ETV6: variants seen among roughly 807,000 people sequenced by gnomAD.
ETV6 encodes the protein ETS variant transcription factor 6.
A neutral mutation model predicts 51.1 loss-of-function variants in ETV6; 16 were observed. The ratio of observed to expected loss-of-function variants is 0.31; its 90% CI spans 0.21 to 0.48. The LOEUF is 0.48. Among genes scored for constraint, ETV6 ranks in the 20% least tolerant of loss-of-function variants. ETV6 has a pLI of 0.99. For synonymous variants in ETV6, 240 were observed against 224.1 expected (o/e 1.07, Z -0.64); for missense variants, 458 against 594.8 (o/e 0.77, Z 2.39).
chr12:11,703,075 C>G (rs1865012946), intron 1 of ETV6, among the ~76,000 whole-genome samples: 1 of 152,156 alleles, frequency 6.6e-6, no homozygotes, highest in Non-Finnish European at 1.5e-5. Flanking sequence ...CCACTGCACC[C>G]CAGCCTGGGT....
chr12:11,740,031 A>T (rs1333304840), intron 1 of ETV6, among the ~76,000 whole-genome samples: 1 of 152,220 alleles, frequency 6.6e-6, no homozygotes, highest in Non-Finnish European at 1.5e-5. Context: ...TTGAGAGGAC[A>T]GCTTTACCTC....
At chr12:11,848,885 A>G (rs1291100648) in intron 3 of ETV6, among the ~76,000 whole-genome samples, 1 of 152,218 alleles carries the variant, frequency 6.6e-6, no homozygotes, top group Non-Finnish European at 1.5e-5. Flanking sequence ...TGAATAGTAC[A>G]ATAGAAATAC....
chr12:11,868,390 A>T (rs1946822490), intron 4 of ETV6, among the ~76,000 whole-genome samples: 1 of 150,514 alleles, frequency 6.6e-6, no homozygotes, highest in South Asian at 2.1e-4. Context: ...TCTCTTGGTT[A>T]GGAGTGTCAT....
intron 3 of ETV6, among the ~76,000 whole-genome samples, chr12:11,842,710 T>G (rs926115294): frequency 6.6e-6 from 1 of 152,190 alleles, no homozygotes; most frequent in Non-Finnish European, 1.5e-5. Context: ...GCTCTCTTTT[T>G]GCAACAGACA....
At chr12:11,852,543 G>C (rs1319106233) in intron 3 of ETV6, among the ~76,000 whole-genome samples, 1 of 152,174 alleles carries the variant, frequency 6.6e-6, no homozygotes, top group African/African-American at 2.4e-5. Flanking sequence ...TTTCTGTGAA[G>C]AATCTATGAG....
chr12:11,840,617 A>G, intron 3 of ETV6: 1 of 417,720 alleles, frequency 2.4e-6, no homozygotes, highest in South Asian at 1.7e-5. Flanking sequence ...AGGAGATGAG[A>G]TAAAGCCCCA....
intron 2 of ETV6, among the ~76,000 whole-genome samples, chr12:11,787,422 T>A (rs1945504548): frequency 6.6e-6 from 1 of 152,238 alleles, no homozygotes; most frequent in Admixed American, 6.5e-5. Flanking sequence ...TAAATGATAT[T>A]TTCAATACAT....
In ETV6 at chr12:11,894,967, C is replaced by T. The variant is rs761939888; in HGVS notation, c.*3921C>T. ...CTGTTCACTCTCTCCTGCTCCTCTT[C>T]GGAGTAGAAATAAAGGCTGTGACAC... On this transcript the variant is annotated 3_prime_UTR_variant, in exon 8 of 8. Coordinates refer to ENST00000396373, the MANE Select transcript of ETV6 (RefSeq NM_001987.5). 28 of 233,632 alleles carry T rather than the reference C, an allele frequency of 1.2e-4. No individual in the cohort carries two copies. Among genetic ancestry groups the T allele is most frequent in the Admixed American group, 3.4e-4 (6 of 17,794 alleles). The allele number at this position is 233,632 out of a possible 1,614,324, so 14.5% of individuals were successfully genotyped here.
At position 11,894,248 on chromosome 12, in the gene ETV6, G is replaced by C. The variant is rs1052377771; in HGVS notation, c.*3202G>C. 8.6e-6 allele frequency: 2 copies of C among 232,538 alleles called. No homozygotes were observed. The highest frequency in any genetic ancestry group is 2.2e-5 in the African/African-American group (1 of 45,326). The allele number at this position is 232,538 out of a possible 1,614,324, so 14.4% of individuals were successfully genotyped here. A position where few individuals can be genotyped will look rare whatever the true frequency, so the allele number is the denominator to read the frequency against. ...GGTGTTGTCAGGAGACAAATCTGAA[G>C]TCAGGAGAGGAAAATGCAAAGGAGC... On this transcript the variant is annotated 3_prime_UTR_variant, in exon 8 of 8. Transcript: ENST00000396373.
At chr12:11,669,118 G>C (rs1265417856) in intron 1 of ETV6, among the ~76,000 whole-genome samples, 1 of 152,160 alleles carries the variant, frequency 6.6e-6, no homozygotes, top group Non-Finnish European at 1.5e-5. Context: ...CCTGGGCTTT[G>C]CTTCCCCCTT....
chr12:11,762,240 T>A (rs1028131547), intron 2 of ETV6, among the ~76,000 whole-genome samples: 1 of 152,220 alleles, frequency 6.6e-6, no homozygotes, highest in Non-Finnish European at 1.5e-5. Flanking sequence ...GCTCCCCTGT[T>A]CTCATAGCCC....
At chr12:11,784,568 A>T (rs570632059) in intron 2 of ETV6, among the ~76,000 whole-genome samples, 2 of 152,170 alleles carry the variant, frequency 1.3e-5, no homozygotes, top group East Asian at 3.8e-4. Context: ...TTGAGGAGGG[A>T]AAGTGTTTGA....
chr12:11,822,397 A>G (rs1946094294), intron 2 of ETV6, among the ~76,000 whole-genome samples: 1 of 152,212 alleles, frequency 6.6e-6, no homozygotes, highest in Admixed American at 6.5e-5. Flanking sequence ...ACTCTCCCGC[A>G]TACGTCCCCT....
intron 1 of ETV6, among the ~76,000 whole-genome samples, chr12:11,742,216 A>G (rs1865823618): frequency 6.6e-6 from 1 of 152,250 alleles, no homozygotes; most frequent in Non-Finnish European, 1.5e-5. Flanking sequence ...ACACTTCTGT[A>G]TTCCATTCTC....
intron 2 of ETV6, among the ~76,000 whole-genome samples, chr12:11,774,538 C>T (rs1244745855): frequency 1.3e-5 from 2 of 152,190 alleles, no homozygotes; most frequent in Non-Finnish European, 2.9e-5. Flanking sequence ...ACCTTAGTGT[C>T]TGTGTTCCAG....
chr12:11,656,572 G>A (rs1169770525), intron 1 of ETV6, among the ~76,000 whole-genome samples: 1 of 152,222 alleles, frequency 6.6e-6, no homozygotes, highest in African/African-American at 2.4e-5. Flanking sequence ...GAATGTCTAA[G>A]TTTTCCATAT....
At chr12:11,854,307 A>C (rs891511113) in intron 4 of ETV6, among the ~76,000 whole-genome samples, 17 of 152,226 alleles carry the variant, frequency 1.1e-4, no homozygotes, top group African/African-American at 2.4e-4. Context: ...ATACAGATGA[A>C]GCTTCACTCA....
intron 7 of ETV6, among the ~76,000 whole-genome samples, chr12:11,888,750 T>C (rs1211501327): frequency 2.0e-5 from 3 of 152,194 alleles, no homozygotes; most frequent in African/African-American, 7.2e-5. Flanking sequence ...TTGCCCAGGC[T>C]AGAGTGCAGT....
At chr12:11,699,763 T>C (rs903996773) in intron 1 of ETV6, among the ~76,000 whole-genome samples, 3 of 152,042 alleles carry the variant, frequency 2.0e-5, no homozygotes, top group African/African-American at 4.8e-5. Context: ...CTCTGTGTTA[T>C]GTAAAATGTA....
Sources: allele counts gnomAD v4.1 joint callset (sites outside exome capture counted in the v4.1 genomes callset), GRCh38; gene constraint gnomAD v4.1.1; transcripts MANE v1.5; gene names NCBI Gene and HGNC (gene_info 2026-07-23, HGNC 2026-07-21).